The following SCLY variants were observed in gnomAD, a reference collection of about 807,000 sequenced individuals.
SCLY encodes putative selenocysteine lyase.
Under a neutral mutation model 50.1 loss-of-function variants are expected in SCLY, and 38 were observed. That is an observed-to-expected ratio of 0.76 (90% CI 0.59 to 0.99). The LOEUF (loss-of-function observed/expected upper bound fraction) is 0.99. SCLY is among the 50% of genes least tolerant of loss of function. The pLI is 0.00. For synonymous variants in SCLY, 243 were observed against 249.4 expected (o/e 0.97, Z 0.24); for missense variants, 600 against 620.0 (o/e 0.97, Z 0.34).
chr2:238,081,573 T>G (rs1269920258), intron 4 of SCLY, 136 bp from the exon 5 acceptor site: 17 of 1,261,780 alleles, frequency 1.3e-5, no homozygotes, highest in Non-Finnish European at 1.6e-5. Flanking sequence ...GCGGCTTATA[T>G]TCTTCTTTAT....
At chr2:238,074,932 G>A (rs2106441540) in intron 4 of SCLY, among the ~76,000 whole-genome samples, 1 of 152,214 alleles carries the variant, frequency 6.6e-6, no homozygotes, top group Non-Finnish European at 1.5e-5. Context: ...GCCTTGACTA[G>A]GACCTCCTGT....
At chr2:238,086,226 A>G (rs1250007113) in intron 7 of SCLY, among the ~76,000 whole-genome samples, 1 of 152,250 alleles carries the variant, frequency 6.6e-6, no homozygotes, top group East Asian at 1.9e-4. Flanking sequence ...AGAATTTATC[A>G]CCAAATACAA....
intron 10 of SCLY, among the ~76,000 whole-genome samples, chr2:238,095,119 C>G (rs936997976): frequency 1.3e-5 from 2 of 152,198 alleles, no homozygotes; most frequent in Admixed American, 6.5e-5. Context: ...AGGAGAATTG[C>G]TTGAACCTGG....
Position 238,082,066 on chromosome 2 carries a change from C to T in SCLY, c.634C>T (p.Arg212Cys), listed in dbSNP as rs142210384. Residue 212 changes from arginine (R) to cysteine (C), a missense_variant, in exon 6 of 12, where the codon CGC (arginine) becomes TGC (cysteine). Coordinates refer to ENST00000254663, the MANE Select transcript of SCLY (RefSeq NM_016510.7). The stretch of plus-strand genomic sequence containing the variant: ...TCAGCCTGTCCCTGAAATCAGTCAG[C>T]GCATTAAAGCCCTGAACCAGGAACG... ...IVMPVPEISQ[R>C]IKALNQERVA... 1.7e-4 allele frequency: 281 copies of T among 1,613,754 alleles called. 3 individuals carry two copies. Among genetic ancestry groups the T allele is most frequent in the South Asian group, 1.7e-3 (156 of 91,062 alleles).
rs376413303 is a variant in SCLY at position 238,083,378 on chromosome 2, C to T, written c.884+24C>T. ...GGGTAAGGCAGAAAGTTAACAAAGT[C>T]TCTGACCTACTGACCGTGTCATTTG... On this transcript the variant is annotated intron_variant, in intron 7 of 11. Transcript: ENST00000254663. The surrounding 1 kb of genome is among the most constrained non-coding windows in gnomAD (Gnocchi z 4.3). The T allele has an allele frequency of 6.9e-7, 1 of 1,459,312 alleles. No homozygotes were observed. The highest frequency in any genetic ancestry group is 1.1e-5 in the South Asian group (1 of 87,860). 90.4% of individuals were successfully genotyped at this position (1,459,312 alleles called of 1,614,324 possible).
chr2:238,074,119 C>A (rs1399259468), intron 4 of SCLY, among the ~76,000 whole-genome samples: 2 of 151,818 alleles, frequency 1.3e-5, no homozygotes, highest in Non-Finnish European at 2.9e-5. Context: ...CCAGCTTGAC[C>A]AACATGGCAA....
At chr2:238,096,403 G>A (rs1332044320) in intron 10 of SCLY, among the ~76,000 whole-genome samples, 1 of 152,224 alleles carries the variant, frequency 6.6e-6, no homozygotes, top group African/African-American at 2.4e-5. Flanking sequence ...GCTTGTGAAA[G>A]AAGAGGGAAA....
rs770320278 is a variant in SCLY, at chr2:238,069,274, C to CT, written c.304-16dup. On this transcript the variant is annotated intron_variant, in intron 3 of 11. Coordinates refer to ENST00000254663, the MANE Select transcript of SCLY (RefSeq NM_016510.7). This position sits in a 1 kb window ranked among gnomAD's most constrained non-coding sequence, Gnocchi z 5.0. Reference sequence around the variant, plus strand: ...TACCTCAGCACAGTTTTTGTAAATGCTTTTTTTGCTGTATCTCTGCAGTCA... The same window carrying CT: ...TACCTCAGCACAGTTTTTGTAAATGCTTTTTTTTGCTGTATCTCTGCAGTCA... 4 of 1,607,886 alleles carry CT rather than the reference C, an allele frequency of 2.5e-6. No individual in the cohort carries two copies. The highest frequency in any genetic ancestry group is 1.3e-5 in the African/African-American group (1 of 74,778).
Position 238,098,595 on chromosome 2 carries a change from C to CCGCCCACATAGGAA in SCLY, c.*253_*254insACGCCCACATAGGA, listed in dbSNP as rs1691314267. The stretch of plus-strand genomic sequence containing the variant: ...CCCACATGGGACCGCCCACATAGGA[C>CCGCCCACATAGGAA]CGCCCACATAGGACCGCCCACATGG... On this transcript the variant is annotated 3_prime_UTR_variant, in exon 12 of 12. Coordinates refer to ENST00000254663, the MANE Select transcript of SCLY (RefSeq NM_016510.7). 3.5e-6 allele frequency: 1 copy of CCGCCCACATAGGAA among 283,666 alleles called. No individual in the cohort carries two copies. The highest frequency in any genetic ancestry group is 4.5e-5 in the African/African-American group (1 of 22,366). 17.6% of individuals were successfully genotyped at this position (283,666 alleles called of 1,614,324 possible).
Position 238,061,398 on chromosome 2 carries a change from G to A in SCLY, c.89+255G>A, listed in dbSNP as rs749457334. On this transcript the variant is annotated intron_variant, in intron 1 of 11. Coordinates refer to ENST00000254663, the MANE Select transcript of SCLY (RefSeq NM_016510.7). ...GTGACTTCCAGGGGTGAGGTTTGCA[G>A]GTTCTGGGGAAGCAGAGCCTGCCAG... The A allele has an allele frequency of 9.2e-6, 6 of 653,962 alleles. No individual in the cohort carries two copies. The South Asian group carries it at 9.2e-5, about 10-fold the overall frequency. The allele number at this position is 653,962 out of a possible 1,614,324, so 40.5% of individuals were successfully genotyped here. A position where few individuals can be genotyped will look rare whatever the true frequency, so the allele number is the denominator to read the frequency against.
In SCLY at chr2:238,082,255, G is replaced by A. The variant is rs190876087; in HGVS notation, c.777+46G>A. 128 of 1,525,138 alleles carry A rather than the reference G, an allele frequency of 8.4e-5. 2 individuals are homozygous for A. The South Asian group carries it at 9.5e-4, about 11-fold the overall frequency. The allele number at this position is 1,525,138 out of a possible 1,614,324, so 94.5% of individuals were successfully genotyped here. ...TGCCTCTGTGGGCAGAGCCTACTGC[G>A]CAGGTGGCTGTTTACTCCTCGGTCC... On this transcript the variant is annotated intron_variant, in intron 6 of 11. Coordinates refer to ENST00000254663, the MANE Select transcript of SCLY (RefSeq NM_016510.7).
Position 238,069,572 on chromosome 2 carries a change from A to G in SCLY, c.484+95A>G. On this transcript the variant is annotated intron_variant, in intron 4 of 11. Coordinates refer to ENST00000254663, the MANE Select transcript of SCLY (RefSeq NM_016510.7). This position sits in a 1 kb window ranked among gnomAD's most constrained non-coding sequence, Gnocchi z 5.0. The stretch of plus-strand genomic sequence containing the variant: ...GAGCAGAGCCCGGGATCCGCTGCAG[A>G]GATGTAGATTCAGTGTGCCACTCAC... 1 of 1,144,680 alleles carries G rather than the reference A, an allele frequency of 8.7e-7. No individual in the cohort carries two copies. Among genetic ancestry groups the G allele is most frequent in the Non-Finnish European group, 1.2e-6 (1 of 822,716 alleles). The allele number at this position is 1,144,680 out of a possible 1,614,324, so 70.9% of individuals were successfully genotyped here. A position where few individuals can be genotyped will look rare whatever the true frequency, so the allele number is the denominator to read the frequency against.
In SCLY at chr2:238,098,579, G is replaced by GAACGCCCACATGGGAACGCCCACATAGT. The variant is rs1691306545; in HGVS notation, c.*225_*226insACGCCCACATGGGAACGCCCACATAGTA. The GAACGCCCACATGGGAACGCCCACATAGT allele has an allele frequency of 2.5e-6, 1 of 394,308 alleles. No homozygotes were observed. The highest frequency in any genetic ancestry group is 5.0e-5 in the Admixed American group (1 of 20,144). The allele number at this position is 394,308 out of a possible 1,614,324, so 24.4% of individuals were successfully genotyped here. ...ACGCCGCATAGGACTGCCCACATGG[G>GAACGCCCACATGGGAACGCCCACATAGT]ACCGCCCACATAGGACCGCCCACAT... On this transcript the variant is annotated 3_prime_UTR_variant, in exon 12 of 12. Transcript: ENST00000254663.
chr2:238,064,452 G>C lies in SCLY; in HGVS notation c.185G>C (p.Ser62Thr). 6.2e-7 allele frequency: 1 copy of C among 1,608,372 alleles called. No homozygotes were observed. Among genetic ancestry groups the C allele is most frequent in the Non-Finnish European group, 8.5e-7 (1 of 1,177,566 alleles). Residue 62 changes from serine to threonine, a missense_variant, in exon 2 of 12, where the codon AGC becomes ACC. Transcript: ENST00000254663. ...KAMWEAWGNP[S>T]SPYSAGRKAK... ...ATGTGGGAAGCCTGGGGAAATCCCA[G>C]CAGCCCGTATTCAGCAGGTAATTCT...
chr2:238,090,869 C>T (rs547559030), intron 7 of SCLY, among the ~76,000 whole-genome samples: 1 of 152,152 alleles, frequency 6.6e-6, no homozygotes, highest in Non-Finnish European at 1.5e-5. Flanking sequence ...CTCCCCTGTT[C>T]CATACTATAC....
rs2065404157 is a variant in SCLY, at chr2:238,094,483, A to G, written c.1069A>G (p.Asn357Asp). 6.2e-7 allele frequency: 1 copy of G among 1,614,096 alleles called. No homozygotes were observed. The highest frequency in any genetic ancestry group is 1.7e-5 in the Admixed American group (1 of 60,006). Residue 357 changes from asparagine to aspartate, a missense_variant, in exon 10 of 12, where the codon AAT becomes GAT. Physicochemically the swap from Asn to Asp is conservative, Grantham distance 23. Coordinates refer to ENST00000254663, the MANE Select transcript of SCLY (RefSeq NM_016510.7). Reference protein sequence around the residue: ...SQFPGTQRLPNTCNFSIRGPR... With the variant: ...SQFPGTQRLPDTCNFSIRGPR... ...GTTTCCAGGCACCCAGCGGCTTCCCAATACCTGTAACTTTTCCATCCGGGG... is the reference window on the plus strand; with the variant it reads ...GTTTCCAGGCACCCAGCGGCTTCCCGATACCTGTAACTTTTCCATCCGGGG...
At chr2:238,088,317 C>T (rs1029161628) in intron 7 of SCLY, among the ~76,000 whole-genome samples, 4 of 151,934 alleles carry the variant, frequency 2.6e-5, no homozygotes, top group Non-Finnish European at 5.9e-5. Context: ...CAAAAATTAG[C>T]CAGGTGTGGT....
intron 8 of SCLY, chr2:238,091,536 A>AT: frequency 8.8e-6 from 4 of 453,886 alleles, no homozygotes; most frequent in East Asian, 4.1e-5. Flanking sequence ...TGAAGTGTCA[A>AT]GCTGCAGGTT....
intron 6 of SCLY, chr2:238,082,889 T>G: frequency 3.0e-6 from 1 of 334,804 alleles, no homozygotes; most frequent in Non-Finnish European, 6.1e-6. Flanking sequence ...AACCGCTGGT[T>G]CCAACCCCTC....
Sources: allele counts gnomAD v4.1 joint callset (sites outside exome capture counted in the v4.1 genomes callset), GRCh38; gene constraint gnomAD v4.1.1; non-coding constraint Gnocchi (gnomAD v3.1); transcripts MANE v1.5; gene names NCBI Gene and HGNC (gene_info 2026-07-23, HGNC 2026-07-21).